HECW2: variants seen among roughly 807,000 people sequenced by gnomAD.
HECW2 encodes HECT, C2 and WW domain containing E3 ubiquitin protein ligase 2.
Under a neutral mutation model 175.2 loss-of-function variants are expected in HECW2, and 61 were observed. The observed-to-expected ratio is 0.35, with a 90% confidence interval of 0.28 to 0.43. HECW2 has a LOEUF of 0.43. Among genes scored for constraint, HECW2 ranks in the 20% least tolerant of loss-of-function variants. HECW2 has a pLI of 1.00. For synonymous variants in HECW2, 671 were observed against 731.0 expected, an observed-to-expected ratio of 0.92 and a Z score of 1.32; for missense variants, 1,524 against 2,000.5, an observed-to-expected ratio of 0.76 and a Z score of 4.54.
chr2:196,366,608 T>C (rs1333650573), intron 2 of HECW2, among the ~76,000 whole-genome samples: 3 of 152,222 alleles, frequency 2.0e-5, no homozygotes, highest in Non-Finnish European at 4.4e-5. Context: ...TGGTATCTGC[T>C]TTATTTGATT....
chr2:196,242,244 C>T (rs1404921274), intron 19 of HECW2, 40 bp from the exon 20 acceptor site: 2 of 1,612,654 alleles, frequency 1.2e-6, no homozygotes, highest in Admixed American at 3.3e-5. Flanking sequence ...TGGATTTGTG[C>T]CTCGTCCTTA....
At chr2:196,556,996 T>C (rs1689816519) in intron 1 of HECW2, among the ~76,000 whole-genome samples, 1 of 152,208 alleles carries the variant, frequency 6.6e-6, no homozygotes. Flanking sequence ...AGCAAACTCA[T>C]ATAGAATAAT....
chr2:196,313,075 C>T (rs1473862750), intron 10 of HECW2, among the ~76,000 whole-genome samples: 3 of 152,190 alleles, frequency 2.0e-5, no homozygotes, highest in South Asian at 2.1e-4. Context: ...CTAACCCAGA[C>T]TGTTCATCTT....
At chr2:196,571,275 C>T (rs1690375446) in intron 1 of HECW2, among the ~76,000 whole-genome samples, 1 of 152,180 alleles carries the variant, frequency 6.6e-6, no homozygotes, top group African/African-American at 2.4e-5. Context: ...AACTTTATCA[C>T]TTTAAACACA....
chr2:196,586,933 C>G (rs1691003915), intron 1 of HECW2, among the ~76,000 whole-genome samples: 1 of 152,034 alleles, frequency 6.6e-6, no homozygotes, highest in Non-Finnish European at 1.5e-5. Context: ...CGCTCTTCCA[C>G]ACTCCACTCC....
At chr2:196,404,015 T>A (rs769914661) in intron 2 of HECW2, among the ~76,000 whole-genome samples, 2 of 152,218 alleles carry the variant, frequency 1.3e-5, no homozygotes, top group African/African-American at 2.4e-5. Context: ...AACACTCTAG[T>A]AATATATAAT....
chr2:196,503,380 A>G (rs1175735598), intron 1 of HECW2, among the ~76,000 whole-genome samples: 1 of 152,124 alleles, frequency 6.6e-6, no homozygotes, highest in Non-Finnish European at 1.5e-5. Context: ...AGGGCCAGAG[A>G]AAGGGAAGGG....
chr2:196,408,968 A>C (rs949433999), intron 2 of HECW2, among the ~76,000 whole-genome samples: 1 of 152,270 alleles, frequency 6.6e-6, no homozygotes, highest in African/African-American at 2.4e-5. Context: ...ATACAGGAGA[A>C]TACAATCAAT....
At chr2:196,580,249 C>A (rs1690722227) in intron 1 of HECW2, among the ~76,000 whole-genome samples, 1 of 152,176 alleles carries the variant, frequency 6.6e-6, no homozygotes, top group Non-Finnish European at 1.5e-5. Context: ...TATCCCACTT[C>A]TCCTCATGGA....
chr2:196,357,632 G>T (rs561037648), intron 2 of HECW2, among the ~76,000 whole-genome samples: 18 of 152,262 alleles, frequency 1.2e-4, no homozygotes, highest in Non-Finnish European at 2.2e-4. Context: ...TTACCAAATT[G>T]TAATCCCCAT....
At chr2:196,317,234 G>A (rs746386162) in intron 10 of HECW2, 40 bp downstream of exon 10, 107 of 1,443,514 alleles carry the variant, frequency 7.4e-5, no homozygotes, top group South Asian at 1.2e-4. Context: ...ACCTTTCACC[G>A]TTTGATTAAG....
chr2:196,300,273 G>A (rs1164493672), intron 13 of HECW2, among the ~76,000 whole-genome samples: 1 of 152,120 alleles, frequency 6.6e-6, no homozygotes, highest in Non-Finnish European at 1.5e-5. Context: ...TGTTGTCTTT[G>A]GGCCAAAACC....
intron 7 of HECW2, among the ~76,000 whole-genome samples, chr2:196,322,224 C>T (rs1360500238): frequency 2.6e-5 from 4 of 152,120 alleles, no homozygotes; most frequent in Non-Finnish European, 1.5e-5. Flanking sequence ...CAATCAAACA[C>T]TATGAGATTT....
intron 2 of HECW2, among the ~76,000 whole-genome samples, chr2:196,414,631 A>T (rs913427314): frequency 4.6e-5 from 7 of 152,116 alleles, no homozygotes; most frequent in African/African-American, 1.7e-4. Context: ...AGGCTTCAGG[A>T]CCACACACTG....
At chr2:196,431,565 T>TA (rs1695713509) in intron 2 of HECW2, among the ~76,000 whole-genome samples, 1 of 152,100 alleles carries the variant, frequency 6.6e-6, no homozygotes, top group Admixed American at 6.5e-5. Flanking sequence ...GCTAAAATGG[T>TA]AAAAAATGAG....
At chr2:196,555,663 G>A (rs983175926) in intron 1 of HECW2, among the ~76,000 whole-genome samples, 7 of 152,136 alleles carry the variant, frequency 4.6e-5, no homozygotes, top group African/African-American at 1.7e-4. Context: ...AAAAAAATTT[G>A]TAGGCCCCAT....
chr2:196,532,438 C>G (rs10211635), intron 1 of HECW2, among the ~76,000 whole-genome samples: 23,427 of 151,814 alleles, frequency 0.15, 3,327 homozygotes, highest in African/African-American at 0.38. Flanking sequence ...GGAGAACATA[C>G]GGACACAGGG....
intron 26 of HECW2, among the ~76,000 whole-genome samples, chr2:196,219,802 A>G (rs1208946423): frequency 6.6e-6 from 1 of 152,206 alleles, no homozygotes; most frequent in Admixed American, 6.5e-5. Flanking sequence ...TTCCTCACCA[A>G]CAATTAAGAG....
At chr2:196,241,021 A>AG (rs1475165265) in intron 20 of HECW2, among the ~76,000 whole-genome samples, 3 of 151,588 alleles carry the variant, frequency 2.0e-5, no homozygotes, top group African/African-American at 4.8e-5. Flanking sequence ...AGGAAAAAAA[A>AG]AATTCTCAAT....
Sources: allele counts gnomAD v4.1 joint callset (sites outside exome capture counted in the v4.1 genomes callset), GRCh38; gene constraint gnomAD v4.1.1; transcripts MANE v1.5; gene names NCBI Gene and HGNC (gene_info 2026-07-23, HGNC 2026-07-21).